SPIRE2: variants seen among roughly 807,000 people sequenced by gnomAD.
SPIRE2 encodes spire type actin nucleation factor 2.
Under a neutral mutation model 80.7 loss-of-function variants are expected in SPIRE2, and 76 were observed. The ratio of observed to expected loss-of-function variants is 0.94; its 90% CI spans 0.78 to 1.14. The LOEUF (loss-of-function observed/expected upper bound fraction) is 1.14. Among genes scored for constraint, SPIRE2 ranks in the 50% most tolerant of loss-of-function variants. SPIRE2 has a pLI of 0.00. For missense variants in SPIRE2, 1,196 were observed against 1,015.3 expected, an observed-to-expected ratio of 1.18 and a Z score of -2.42; for synonymous variants, 535 against 432.6, an observed-to-expected ratio of 1.24 and a Z score of -2.94.
At position 89,833,022 on chromosome 16, in the gene SPIRE2, G is replaced by A. The variant is rs1266133308; in HGVS notation, c.244+4228G>A. 1.3e-4 allele frequency among the ~76,000 whole-genome samples: 19 copies of A among 142,558 alleles called. No individual in the cohort carries two copies. The East Asian group carries it at 3.4e-3, about 26-fold the overall frequency. The allele number at this position is 142,558 out of a possible 152,430, so 93.5% of individuals were successfully genotyped here. On this transcript the variant is annotated intron_variant, in intron 1 of 14. Transcript: ENST00000378247. ...TTTTTTTTTTGTGAGACAGAGTTTC[G>A]CTCTGTTGCCTAGGCTGGAGTGCAA...
At chr16:89,831,272 G>C (rs1165722765) in intron 1 of SPIRE2, among the ~76,000 whole-genome samples, 6 of 150,926 alleles carry the variant, frequency 4.0e-5, no homozygotes, top group African/African-American at 1.5e-4. Context: ...CCATGTGCAA[G>C]GTGGGTGGGA....
chr16:89,854,703 C>T lies in SPIRE2; in HGVS notation c.891+52C>T, dbSNP rs754556068. The T allele has an allele frequency of 4.6e-5, 72 of 1,563,824 alleles. 1 individual carries two copies. In the Admixed American group the frequency reaches 7.8e-4, roughly 17 times the overall value. On this transcript the variant is annotated intron_variant, in intron 5 of 14. Coordinates refer to ENST00000378247, the MANE Select transcript of SPIRE2 (RefSeq NM_032451.2). The stretch of plus-strand genomic sequence containing the variant: ...GCCTGGATGCAGAGGTCGTGGTGAG[C>T]GGGGCGGACGCAGATGAGCAGCCTG...
chr16:89,849,156 C>T (rs1382323267), intron 2 of SPIRE2, among the ~76,000 whole-genome samples: 1 of 152,218 alleles, frequency 6.6e-6, no homozygotes, highest in East Asian at 1.9e-4. Context: ...AATGAGAGGC[C>T]AAAGGGCCCC....
intron 1 of SPIRE2, among the ~76,000 whole-genome samples, chr16:89,833,999 G>C (rs890972863): frequency 6.6e-6 from 1 of 152,192 alleles, no homozygotes; most frequent in Non-Finnish European, 1.5e-5. Context: ...TCCCGATATA[G>C]TCTCACCTCT....
intron 1 of SPIRE2, among the ~76,000 whole-genome samples, chr16:89,844,863 G>A (rs958966593): frequency 1.3e-5 from 2 of 152,212 alleles, no homozygotes; most frequent in African/African-American, 2.4e-5. Flanking sequence ...GATTATAGGT[G>A]TGAGCCACCA....
intron 5 of SPIRE2, among the ~76,000 whole-genome samples, 167 bp from the exon 6 acceptor site, chr16:89,855,433 A>T (rs1008791552): frequency 6.6e-6 from 1 of 152,006 alleles, no homozygotes; most frequent in African/African-American, 2.4e-5. Flanking sequence ...TGGCCTGTGG[A>T]TCTGCCGTGC....
intron 2 of SPIRE2, 64 bp from the exon 3 acceptor site, chr16:89,850,240 A>G (rs760460541): frequency 7.0e-7 from 1 of 1,432,456 alleles, no homozygotes; most frequent in South Asian, 1.2e-5. Flanking sequence ...TGCACCCACC[A>G]GCCGCGTTCT....
At chr16:89,837,088 C>G (rs1311594578) in intron 1 of SPIRE2, among the ~76,000 whole-genome samples, 1 of 152,126 alleles carries the variant, frequency 6.6e-6, no homozygotes, top group Non-Finnish European at 1.5e-5. Flanking sequence ...GTGCCTGGCC[C>G]GTCGCGTGGG....
intron 7 of SPIRE2, 21 bp downstream of exon 7, chr16:89,856,257 A>G: frequency 3.2e-6 from 5 of 1,554,890 alleles, no homozygotes; most frequent in Non-Finnish European, 4.3e-6. Flanking sequence ...GGATGGCAGG[A>G]GAAGAGAGCC....
At chr16:89,869,053 A>AAAAATATATATATATATATAT in intron 13 of SPIRE2, among the ~76,000 whole-genome samples, 1 of 24,030 alleles carries the variant, frequency 4.2e-5, no homozygotes, top group African/African-American at 1.6e-4. Context: ...AAAAAAAAAA[A>AAAAATATATATATATATATAT]ATATATATAT....
chr16:89,846,397 C>G (rs1262181044), intron 2 of SPIRE2: 1 of 152,008 alleles, frequency 6.6e-6, no homozygotes, highest in East Asian at 1.9e-4. Context: ...TCTCAGCTCA[C>G]TGCAACCTCG....
chr16:89,860,911 C>T, intron 10 of SPIRE2, 116 bp downstream of exon 10: 1 of 633,420 alleles, frequency 1.6e-6, no homozygotes, highest in Non-Finnish European at 2.5e-6. Context: ...GGGGTGTGGC[C>T]TGAGCGTCCG....
At position 89,829,713 on chromosome 16, in the gene SPIRE2, GC is replaced by G. The variant is rs368063111; in HGVS notation, c.244+927del. Reference sequence around the variant, plus strand: ...TTCACCAGGTCCTGCTCATCCTGGAGCCCCCCCCTCAGCTGCCTCCACACTC... The same window carrying G: ...TTCACCAGGTCCTGCTCATCCTGGAGCCCCCCCTCAGCTGCCTCCACACTC... On this transcript the variant is annotated intron_variant, in intron 1 of 14. Coordinates refer to ENST00000378247, the MANE Select transcript of SPIRE2 (RefSeq NM_032451.2). 4.7e-4 allele frequency among the ~76,000 whole-genome samples: 66 copies of G among 139,184 alleles called. 1 individual carries two copies. Among genetic ancestry groups the G allele is most frequent in the African/African-American group, 1.1e-3 (46 of 40,292 alleles). 91.3% of individuals were successfully genotyped at this position (139,184 alleles called of 152,430 possible).
intron 6 of SPIRE2, 35 bp from the exon 7 acceptor site, chr16:89,856,078 G>A: frequency 6.3e-7 from 1 of 1,595,210 alleles, no homozygotes; most frequent in Non-Finnish European, 8.6e-7. Flanking sequence ...CGCAGGTCCT[G>A]CTTCCCCACC....
chr16:89,863,594 G>A lies in SPIRE2; in HGVS notation c.1694G>A (p.Ser565Asn). The A allele has an allele frequency of 6.2e-7, 1 of 1,614,142 alleles. No homozygotes were observed. Among genetic ancestry groups the A allele is most frequent in the African/African-American group, 1.3e-5 (1 of 75,074 alleles). ...KFLQNKELFS[S>N]LKKGKICCCC... ...TTGCAGAACAAGGAGCTCTTCAGCA[G>A]TCTGAAGAAGGGGAAGGTGAGGCTG... The change falls in exon 11 of 15, where the codon AGT becomes AAT. Residue 565 changes from serine to asparagine, a missense_variant. Coordinates refer to ENST00000378247, the MANE Select transcript of SPIRE2 (RefSeq NM_032451.2). This position sits in a 1 kb window ranked among gnomAD's most constrained non-coding sequence, Gnocchi z 4.3.
At chr16:89,839,299 A>G (rs973784231) in intron 1 of SPIRE2, among the ~76,000 whole-genome samples, 3 of 150,894 alleles carry the variant, frequency 2.0e-5, no homozygotes, top group African/African-American at 7.3e-5. Context: ...GCATGAACCC[A>G]GGAGGCAGAG....
At chr16:89,831,847 C>A (rs1034243556) in intron 1 of SPIRE2, among the ~76,000 whole-genome samples, 4 of 151,436 alleles carry the variant, frequency 2.6e-5, no homozygotes, top group Non-Finnish European at 5.9e-5. Context: ...CCTTAGAGCA[C>A]TGGCTCTGGG....
chr16:89,836,814 T>C (rs1233978509), intron 1 of SPIRE2, among the ~76,000 whole-genome samples: 1 of 145,510 alleles, frequency 6.9e-6, no homozygotes, highest in Non-Finnish European at 1.5e-5. Context: ...ACCCCGTCTC[T>C]ACTGAAAAAA....
chr16:89,861,467 C>T (rs1374566622), intron 10 of SPIRE2, among the ~76,000 whole-genome samples: 1 of 152,232 alleles, frequency 6.6e-6, no homozygotes, highest in Non-Finnish European at 1.5e-5. Flanking sequence ...GTATCCCCAC[C>T]GAAACGCAGG....
Sources: gnomAD v4.1 joint callset for allele counts (sites outside exome capture counted in the v4.1 genomes callset) on GRCh38, gnomAD v4.1.1 for gene constraint, Gnocchi (gnomAD v3.1) non-coding constraint, MANE v1.5 for transcripts, NCBI Gene and HGNC (gene_info 2026-07-23, HGNC 2026-07-21) for gene names.